Variants in FMN1 observed in about 807,000 individuals in gnomAD.
FMN1 encodes formin 1.
FMN1 carries 110 observed loss-of-function variants against 132.4 expected under a neutral mutation model. The ratio of observed to expected loss-of-function variants is 0.83; its 90% CI spans 0.71 to 0.97. FMN1 has a LOEUF of 0.97. Ranked by LOEUF, FMN1 falls within the 50% of genes least tolerant of loss-of-function variation. The probability of loss-of-function intolerance (pLI) is 0.00; values close to 1 mark genes in which losing one functional copy is unlikely to be tolerated. For synonymous variants in FMN1, 722 were observed against 651.7 expected (o/e 1.11, Z -1.64); for missense variants, 1,792 against 1,705.3 (o/e 1.05, Z -0.90).
chr15:33,004,080 C>T (rs1596450734), intron 7 of FMN1, among the ~76,000 whole-genome samples: 1 of 152,172 alleles, frequency 6.6e-6, no homozygotes, highest in East Asian at 1.9e-4. Flanking sequence ...AGACCTAAAA[C>T]CATAAAAACC....
chr15:33,118,446 GA>G (rs2040011869), intron 4 of FMN1, among the ~76,000 whole-genome samples: 2 of 152,172 alleles, frequency 1.3e-5, no homozygotes, highest in South Asian at 4.1e-4. Flanking sequence ...AGCAAACAGA[GA>G]AATAGGAAAG....
chr15:32,946,603 T>TA (rs1403232557), intron 9 of FMN1, among the ~76,000 whole-genome samples: 1 of 152,180 alleles, frequency 6.6e-6, no homozygotes, highest in Non-Finnish European at 1.5e-5. Flanking sequence ...CCTCTTCTCC[T>TA]AAAAAATTAG....
Position 33,065,008 on chromosome 15 carries a change from G to T in FMN1, c.2110C>A (p.Pro704Thr). ...TTTTCTTCTGTGTCTTTTGTCTTTG[G>T]GGGTGGCCAGACAGCTTGAAGTCTG... ...PGRLQAVWPPPKTKDTEEKVG... is the reference protein window; with the variant it reads ...PGRLQAVWPPTKTKDTEEKVG... Residue 704 changes from proline to threonine, a missense_variant, in exon 6 of 21, where the codon CCA becomes ACA. Pro to Thr is a conservative substitution (Grantham distance 38, BLOSUM62 -1). Around this residue, in one of 3 missense-constraint regions of FMN1, gnomAD observed 1,150 missense variants for 1,043.1 expected, o/e 1.10. Transcript: ENST00000616417. 5.6e-6 allele frequency: 9 copies of T among 1,611,986 alleles called. No homozygotes were observed. The highest frequency in any genetic ancestry group is 7.6e-6 in the Non-Finnish European group (9 of 1,179,048).
chr15:32,796,376 T>C (rs12148284), intron 19 of FMN1, among the ~76,000 whole-genome samples: 29,919 of 152,224 alleles, frequency 0.2, 3,827 homozygotes, highest in Admixed American at 0.28. Context: ...ATTAAGTGAG[T>C]TGAATTTTTC....
At chr15:33,085,849 A>T (rs2038669793) in intron 5 of FMN1, among the ~76,000 whole-genome samples, 1 of 152,176 alleles carries the variant, frequency 6.6e-6, no homozygotes, top group African/African-American at 2.4e-5. Context: ...ACAGAGAAAT[A>T]ATTAAATAAA....
intron 4 of FMN1, among the ~76,000 whole-genome samples, chr15:33,119,273 T>C (rs1359634368): frequency 6.6e-6 from 1 of 152,202 alleles, no homozygotes; most frequent in Admixed American, 6.5e-5. Flanking sequence ...ACCGACCTCC[T>C]GTGCCGGCAC....
At chr15:33,041,600 T>TA (rs1354925608) in intron 6 of FMN1, among the ~76,000 whole-genome samples, 7 of 151,934 alleles carry the variant, frequency 4.6e-5, no homozygotes, top group Non-Finnish European at 1.5e-5. Flanking sequence ...TACAAATGGC[T>TA]AATAAGCAAA....
At chr15:33,091,721 T>A (rs1222679948) in intron 4 of FMN1, among the ~76,000 whole-genome samples, 10 of 152,190 alleles carry the variant, frequency 6.6e-5, no homozygotes, top group Non-Finnish European at 4.4e-5. Flanking sequence ...CAAACAACTT[T>A]TTTTCAGTCA....
At chr15:33,087,400 G>A (rs2038737282) in intron 5 of FMN1, among the ~76,000 whole-genome samples, 1 of 152,118 alleles carries the variant, frequency 6.6e-6, no homozygotes, top group South Asian at 2.1e-4. Flanking sequence ...ACAAAAATTA[G>A]CTGGGTGTGG....
chr15:32,925,699 G>T (rs1424135072), intron 10 of FMN1, among the ~76,000 whole-genome samples: 1 of 152,174 alleles, frequency 6.6e-6, no homozygotes, highest in Non-Finnish European at 1.5e-5. Context: ...CTTATGTGAT[G>T]ATACTGAGTA....
intron 7 of FMN1, among the ~76,000 whole-genome samples, chr15:32,997,945 C>T (rs976422983): frequency 5.3e-5 from 8 of 152,114 alleles, no homozygotes; most frequent in African/African-American, 1.4e-4. Context: ...GCTTTGTATT[C>T]GTATGTTCAT....
intron 17 of FMN1, among the ~76,000 whole-genome samples, chr15:32,827,616 C>A (rs1035120399): frequency 6.6e-6 from 1 of 151,996 alleles, no homozygotes; most frequent in African/African-American, 2.4e-5. Flanking sequence ...TCTGGGAGGC[C>A]GAGACAGGTG....
chr15:33,171,642 G>GT lies in FMN1; in HGVS notation c.-132+8555dup, dbSNP rs766375542. ...TTAATGGAGGAAAAATGAACTATGG[G>GT]TTTTTTTTTAAATCTTAATGTTGGG... On this transcript the variant is annotated intron_variant, in intron 3 of 20. Coordinates refer to ENST00000616417, the MANE Select transcript of FMN1 (RefSeq NM_001277313.2). Among the ~76,000 whole-genome samples, 14 of 151,484 alleles carry GT rather than the reference G, an allele frequency of 9.2e-5. No homozygotes were observed. The East Asian group carries it at 9.7e-4, about 11-fold the overall frequency.
chr15:33,022,341 T>C (rs925673349), intron 6 of FMN1, among the ~76,000 whole-genome samples: 21 of 152,084 alleles, frequency 1.4e-4, no homozygotes, highest in African/African-American at 4.6e-4. Flanking sequence ...ACTTGAAGGA[T>C]TGGGTATGGA....
At chr15:32,921,679 C>CTT (rs11421047) in intron 10 of FMN1, among the ~76,000 whole-genome samples, 27,994 of 140,594 alleles carry the variant, frequency 0.2, 3,030 homozygotes, top group Non-Finnish European at 0.24. Flanking sequence ...TCTTTTTTTT[C>CTT]TTTTTTTTTT....
chr15:33,137,704 G>T (rs1180918655), intron 4 of FMN1, among the ~76,000 whole-genome samples: 3 of 152,154 alleles, frequency 2.0e-5, no homozygotes, highest in African/African-American at 7.2e-5. Context: ...ACTGGGGTAT[G>T]GCTTCTCTAC....
chr15:33,112,136 G>A (rs1475292475), intron 4 of FMN1, among the ~76,000 whole-genome samples: 2 of 151,950 alleles, frequency 1.3e-5, no homozygotes, highest in Non-Finnish European at 2.9e-5. Context: ...ATTTTTATTG[G>A]TTTCAACTTG....
intron 6 of FMN1, among the ~76,000 whole-genome samples, chr15:33,034,243 T>C (rs756698943): frequency 2.0e-5 from 3 of 152,086 alleles, no homozygotes; most frequent in Non-Finnish European, 4.4e-5. Flanking sequence ...CCCCTAAACA[T>C]GCTCCACCCA....
At chr15:33,061,913 A>G (rs938299265) in intron 6 of FMN1, among the ~76,000 whole-genome samples, 1 of 152,168 alleles carries the variant, frequency 6.6e-6, no homozygotes, top group African/African-American at 2.4e-5. Context: ...AAAAGTAGAA[A>G]GAAACCCTTT....
Sources: gnomAD v4.1 joint callset for allele counts (sites outside exome capture counted in the v4.1 genomes callset) on GRCh38, gnomAD v4.1.1 for gene constraint, gnomAD v4.1.1 regional missense constraint, MANE v1.5 for transcripts, NCBI Gene and HGNC (gene_info 2026-07-23, HGNC 2026-07-21) for gene names.